SLC25A21: variants seen among roughly 807,000 people sequenced by gnomAD.
SLC25A21 encodes the protein solute carrier family 25 member 21.
Under a neutral mutation model 43.8 loss-of-function variants are expected in SLC25A21, and 47 were observed. That is an observed-to-expected ratio of 1.07 (90% confidence interval 0.85 to 1.37). The LOEUF (loss-of-function observed/expected upper bound fraction) is 1.37. SLC25A21 is among the 40% of genes most tolerant of loss of function. The probability of loss-of-function intolerance (pLI) is 0.00; values close to 1 mark genes in which losing one functional copy is unlikely to be tolerated. For synonymous variants in SLC25A21, 131 were observed against 121.3 expected (o/e 1.08, Z -0.52); for missense variants, 352 against 350.2 (o/e 1.00, Z -0.04).
At chr14:37,008,758 G>C (rs550864493) in intron 1 of SLC25A21, among the ~76,000 whole-genome samples, 1 of 150,800 alleles carries the variant, frequency 6.6e-6, no homozygotes, top group South Asian at 2.1e-4. Context: ...CTTTTTAATA[G>C]ATTTTTTTTC....
chr14:36,752,357 A>G (rs1414917038), intron 3 of SLC25A21, among the ~76,000 whole-genome samples: 2 of 152,234 alleles, frequency 1.3e-5, no homozygotes, highest in East Asian at 1.9e-4. Flanking sequence ...AAGAAATCAA[A>G]CATAGATTTA....
chr14:37,165,491 T>C (rs905432203), intron 1 of SLC25A21, among the ~76,000 whole-genome samples: 1 of 152,024 alleles, frequency 6.6e-6, no homozygotes, highest in Non-Finnish European at 1.5e-5. Context: ...ATGCATGATA[T>C]ATAGAAGGTG....
chr14:37,047,394 A>G (rs989286214), intron 1 of SLC25A21, among the ~76,000 whole-genome samples: 3 of 152,164 alleles, frequency 2.0e-5, no homozygotes, highest in Non-Finnish European at 4.4e-5. Flanking sequence ...AAACCAGACC[A>G]AAGTTGGAAG....
At chr14:37,157,705 AC>A (rs1963874722) in intron 1 of SLC25A21, among the ~76,000 whole-genome samples, 1 of 152,088 alleles carries the variant, frequency 6.6e-6, no homozygotes, top group African/African-American at 2.4e-5. Flanking sequence ...AACAAACCAA[AC>A]CCAAAACTGG....
chr14:37,170,394 T>C (rs1964103246), intron 1 of SLC25A21, among the ~76,000 whole-genome samples: 1 of 152,146 alleles, frequency 6.6e-6, no homozygotes, highest in Admixed American at 6.6e-5. Context: ...AGTATGATCA[T>C]ATAAATTAGC....
intron 1 of SLC25A21, among the ~76,000 whole-genome samples, chr14:37,035,278 CT>C (rs1327711278): frequency 1.3e-5 from 2 of 152,172 alleles, no homozygotes; most frequent in Non-Finnish European, 1.5e-5. Flanking sequence ...ATCTTTTGGA[CT>C]GGGAAATACC....
At chr14:36,882,436 C>T (rs910508978) in intron 1 of SLC25A21, among the ~76,000 whole-genome samples, 4 of 152,066 alleles carry the variant, frequency 2.6e-5, no homozygotes, top group Non-Finnish European at 4.4e-5. Flanking sequence ...CACACTGCTC[C>T]CCGATTCCCC....
At chr14:37,044,429 T>C in intron 1 of SLC25A21, among the ~76,000 whole-genome samples, 1 of 152,166 alleles carries the variant, frequency 6.6e-6, no homozygotes, top group Non-Finnish European at 1.5e-5. Flanking sequence ...GACTATTCTT[T>C]CAAACTAAAG....
At chr14:36,981,060 T>C (rs1170623902) in intron 1 of SLC25A21, among the ~76,000 whole-genome samples, 1 of 151,586 alleles carries the variant, frequency 6.6e-6, no homozygotes, top group Non-Finnish European at 1.5e-5. Flanking sequence ...AGAAGACATT[T>C]AGGCAGCCAA....
chr14:36,894,312 G>A (rs1395427378), intron 1 of SLC25A21, among the ~76,000 whole-genome samples: 3 of 152,150 alleles, frequency 2.0e-5, no homozygotes, highest in Admixed American at 6.5e-5. Flanking sequence ...TTGTGAATGG[G>A]AGTTCACTCA....
chr14:37,092,463 T>TC (rs752034853), intron 1 of SLC25A21, among the ~76,000 whole-genome samples: 1 of 152,088 alleles, frequency 6.6e-6, no homozygotes, highest in African/African-American at 2.4e-5. Context: ...GCTTCTGATT[T>TC]CCCCCCAGTG....
intron 3 of SLC25A21, among the ~76,000 whole-genome samples, chr14:36,807,711 C>T (rs2138432076): frequency 6.6e-6 from 1 of 152,300 alleles, no homozygotes; most frequent in Non-Finnish European, 1.5e-5. Flanking sequence ...GAGCCAAACA[C>T]CTTGGAGTCC....
At chr14:36,982,800 T>C (rs1960059021) in intron 1 of SLC25A21, among the ~76,000 whole-genome samples, 1 of 150,874 alleles carries the variant, frequency 6.6e-6, no homozygotes, top group South Asian at 2.1e-4. Context: ...GGCCATAGAG[T>C]GAGACTCCAT....
intron 3 of SLC25A21, among the ~76,000 whole-genome samples, chr14:36,798,940 T>C (rs775513855): frequency 6.8e-6 from 1 of 146,520 alleles, no homozygotes; most frequent in Non-Finnish European, 1.5e-5. Context: ...GAAAGAGAAA[T>C]TGATTAAACA....
At chr14:36,800,080 T>A (rs79869550) in intron 3 of SLC25A21, among the ~76,000 whole-genome samples, 4 of 152,182 alleles carry the variant, frequency 2.6e-5, no homozygotes, top group African/African-American at 9.7e-5. Context: ...TTTTTTTAAA[T>A]TTTGTTTTTG....
intron 1 of SLC25A21, among the ~76,000 whole-genome samples, chr14:36,946,973 C>G (rs1892693458): frequency 6.6e-6 from 1 of 152,158 alleles, no homozygotes; most frequent in South Asian, 2.1e-4. Context: ...GTAATAATTG[C>G]TTTTAATGCC....
At chr14:37,074,208 A>C (rs1366382259) in intron 1 of SLC25A21, among the ~76,000 whole-genome samples, 1 of 69,412 alleles carries the variant, frequency 1.4e-5, no homozygotes, top group African/African-American at 3.2e-4. Context: ...AACTGCAGTT[A>C]AAAAAAAAAA....
chr14:37,031,943 A>C (rs777668783), intron 1 of SLC25A21, among the ~76,000 whole-genome samples: 1 of 152,212 alleles, frequency 6.6e-6, no homozygotes, highest in Non-Finnish European at 1.5e-5. Flanking sequence ...AAAGACAAAG[A>C]TGGGCTCCTT....
At chr14:36,911,204 T>C (rs1197627521) in intron 1 of SLC25A21, among the ~76,000 whole-genome samples, 1 of 152,222 alleles carries the variant, frequency 6.6e-6, no homozygotes, top group Non-Finnish European at 1.5e-5. Flanking sequence ...CTTACTTTAT[T>C]ACGTGCTTTC....
Sources: gnomAD v4.1 joint callset for allele counts (sites outside exome capture counted in the v4.1 genomes callset) on GRCh38, gnomAD v4.1.1 for gene constraint, MANE v1.5 for transcripts, NCBI Gene and HGNC (gene_info 2026-07-23, HGNC 2026-07-21) for gene names.